Variants in ESR1 observed in about 807,000 individuals in gnomAD.
ESR1 encodes estrogen receptor.
Under a neutral mutation model 52.7 loss-of-function variants are expected in ESR1, and 12 were observed. The ratio of observed to expected loss-of-function variants is 0.23; its 90% confidence interval spans 0.15 to 0.37. ESR1 has a LOEUF of 0.37. ESR1 is among the 10% of genes least tolerant of loss of function. ESR1 has a pLI of 1.00. For missense variants in ESR1, 584 were observed against 779.7 expected, an observed-to-expected ratio of 0.75 and a Z score of 2.99; for synonymous variants, 305 against 316.8, an observed-to-expected ratio of 0.96 and a Z score of 0.39.
rs1310016283 is a variant in ESR1, at chr6:151,932,248, C to G, written c.761-11925C>G. Among the ~76,000 whole-genome samples, 4 of 152,102 alleles carry G rather than the reference C, an allele frequency of 2.6e-5. No individual in the cohort carries two copies. The South Asian group carries it at 6.3e-4, about 24-fold the overall frequency. ...ATGTGTCTGTTGGCTGCATAAATGT[C>G]TTCTTTTGAGAAGTGTCTGTTCATG... On this transcript the variant is annotated intron_variant, in intron 3 of 7. Transcript: ENST00000206249.
intron 6 of ESR1, among the ~76,000 whole-genome samples, chr6:152,093,330 ATCTCTC>A (rs34340611): frequency 4.8e-5 from 6 of 125,890 alleles, no homozygotes; most frequent in Admixed American, 7.6e-5. Context: ...TACTACCTGG[ATCTCTC>A]TCTCTCTCTC....
At chr6:152,030,732 GAC>G (rs1452959940) in intron 5 of ESR1, among the ~76,000 whole-genome samples, 1 of 152,146 alleles carries the variant, frequency 6.6e-6, no homozygotes, top group African/African-American at 2.4e-5. Flanking sequence ...AGATCAACGA[GAC>G]AGAAAATTAA....
chr6:151,944,107 ATTT>A lies in ESR1; in HGVS notation c.761-62_761-60del. The stretch of plus-strand genomic sequence containing the variant: ...AAATGAAAGCTGGTTAGCTTTGAAA[ATTT>A]TTTGTATAAAAGTTTACACGGGAAA... On this transcript the variant is annotated intron_variant, in intron 3 of 7. Transcript: ENST00000206249. 2.1e-6 allele frequency: 3 copies of A among 1,444,878 alleles called. No individual in the cohort carries two copies. The South Asian group carries it at 3.5e-5, about 17-fold the overall frequency. The allele number at this position is 1,444,878 out of a possible 1,614,324, so 89.5% of individuals were successfully genotyped here.
At chr6:152,090,716 C>T (rs2152487736) in intron 6 of ESR1, among the ~76,000 whole-genome samples, 1 of 152,240 alleles carries the variant, frequency 6.6e-6, no homozygotes, top group East Asian at 1.9e-4. Flanking sequence ...GGGAGAATGT[C>T]CAAGCAAAAT....
chr6:151,985,212 T>C (rs371628357), intron 4 of ESR1, among the ~76,000 whole-genome samples: 3 of 151,964 alleles, frequency 2.0e-5, no homozygotes, highest in East Asian at 3.9e-4. Context: ...TCTTTGAAAA[T>C]AAGCCTGATC....
At chr6:151,789,595 A>G (rs1236978238) in intron 2 of ESR1, among the ~76,000 whole-genome samples, 1 of 152,210 alleles carries the variant, frequency 6.6e-6, no homozygotes, top group Admixed American at 6.5e-5. Flanking sequence ...TGGAGTATAA[A>G]TAGAGTATTC....
At chr6:152,010,408 CAT>C (rs1211001979) in intron 4 of ESR1, among the ~76,000 whole-genome samples, 1 of 152,018 alleles carries the variant, frequency 6.6e-6, no homozygotes, top group African/African-American at 2.4e-5. Context: ...CACGCACACA[CAT>C]ACACTCAACA....
intron 6 of ESR1, among the ~76,000 whole-genome samples, chr6:152,085,000 T>G (rs1470454713): frequency 5.3e-5 from 8 of 152,218 alleles, no homozygotes; most frequent in Non-Finnish European, 1.2e-4. Context: ...GGATGAGAGC[T>G]AGGCCAGAGC....
At chr6:151,763,518 C>G (rs1784814341) in intron 2 of ESR1, among the ~76,000 whole-genome samples, 1 of 151,958 alleles carries the variant, frequency 6.6e-6, no homozygotes, top group Non-Finnish European at 1.5e-5. Context: ...TTTTTTTTCC[C>G]CCTAGGGGTG....
exon 7 of ESR1, chr6:152,129,027 A>G (rs983239535): frequency 3.3e-5 from 5 of 152,246 alleles, no homozygotes; most frequent in Non-Finnish European, 7.3e-5. Flanking sequence ...ATGCTCAGAA[A>G]GATGTTAATG....
intron 4 of ESR1, among the ~76,000 whole-genome samples, chr6:151,946,136 T>G (rs950155654): frequency 1.8e-4 from 27 of 152,350 alleles, no homozygotes; most frequent in African/African-American, 6.5e-4. Context: ...TTATATTTGT[T>G]ATTGCCTTGT....
intron 4 of ESR1, among the ~76,000 whole-genome samples, chr6:151,993,217 C>CATATATA (rs1227137135): frequency 1.3e-5 from 2 of 152,088 alleles, no homozygotes; most frequent in Non-Finnish European, 2.9e-5. Flanking sequence ...TCCTGGGCAA[C>CATATATA]TGCCAATCTA....
At chr6:151,978,283 T>C (rs956990971) in intron 4 of ESR1, among the ~76,000 whole-genome samples, 3 of 152,118 alleles carry the variant, frequency 2.0e-5, no homozygotes, top group African/African-American at 4.8e-5. Context: ...AGAAGAAAGA[T>C]TTAGTCAACT....
chr6:151,804,043 G>A (rs140734798), upstream of ESR1, among the ~76,000 whole-genome samples: 20 of 152,026 alleles, frequency 1.3e-4, no homozygotes, highest in East Asian at 1.8e-3. Context: ...CGGCTGGAAC[G>A]TGTGTGTCCA....
At chr6:151,685,847 C>T (rs1778643485), upstream of ESR1, among the ~76,000 whole-genome samples, 1 of 152,056 alleles carries the variant, frequency 6.6e-6, no homozygotes, top group African/African-American at 2.4e-5. Context: ...AAAGAGGAGG[C>T]ACATAATTTA....
intron 2 of ESR1, among the ~76,000 whole-genome samples, chr6:151,741,374 C>T (rs1783084935): frequency 1.3e-5 from 2 of 152,148 alleles, no homozygotes; most frequent in South Asian, 4.1e-4. Flanking sequence ...CATAGTATAG[C>T]TCTCTACCGA....
intron 1 of ESR1, among the ~76,000 whole-genome samples, chr6:151,672,573 G>T (rs1023694187): frequency 6.6e-6 from 1 of 152,030 alleles, no homozygotes; most frequent in African/African-American, 2.4e-5. Flanking sequence ...CTGACCTCAG[G>T]TGATCCACCT....
intron 1 of ESR1, among the ~76,000 whole-genome samples, chr6:151,815,606 A>T (rs951184392): frequency 6.6e-6 from 1 of 152,246 alleles, no homozygotes. Flanking sequence ...TCTCTTTCTC[A>T]GGAACAAAAG....
chr6:152,005,156 T>C (rs576955720), intron 4 of ESR1, among the ~76,000 whole-genome samples: 7 of 152,088 alleles, frequency 4.6e-5, no homozygotes, highest in East Asian at 1.9e-4. Flanking sequence ...CTATTTCTAA[T>C]TGGGGGTGTA....
Sources: allele counts gnomAD v4.1 joint callset (sites outside exome capture counted in the v4.1 genomes callset), GRCh38; gene constraint gnomAD v4.1.1; transcripts MANE v1.5; gene names NCBI Gene and HGNC (gene_info 2026-07-23, HGNC 2026-07-21).